The following STK40 variants were observed in gnomAD, a reference collection of about 807,000 sequenced individuals.
STK40 encodes serine/threonine-protein kinase 40.
STK40 carries 13 observed loss-of-function variants against 47.9 expected under a neutral mutation model. The observed-to-expected ratio is 0.27, with a 90% CI of 0.18 to 0.43. The LOEUF (loss-of-function observed/expected upper bound fraction) is 0.43. STK40 is among the 20% of genes least tolerant of loss of function. STK40 has a pLI of 1.00. For synonymous variants in STK40, 225 were observed against 243.2 expected (o/e 0.93, Z 0.69); for missense variants, 460 against 595.1 (o/e 0.77, Z 2.36).
chr1:36,352,256 T>C (rs1309014108), intron 6 of STK40, among the ~76,000 whole-genome samples: 1 of 152,162 alleles, frequency 6.6e-6, no homozygotes. Flanking sequence ...TGTTCTCCTG[T>C]CTCTCAGCGA....
intron 2 of STK40, among the ~76,000 whole-genome samples, chr1:36,360,063 C>T (rs1400021763): frequency 1.3e-5 from 2 of 152,136 alleles, no homozygotes; most frequent in Non-Finnish European, 2.9e-5. Flanking sequence ...TCCTTCAAGG[C>T]ACTTGCACCA....
At chr1:36,380,522 C>T (rs2124754279) in intron 1 of STK40, among the ~76,000 whole-genome samples, 1 of 152,330 alleles carries the variant, frequency 6.6e-6, no homozygotes, top group Non-Finnish European at 1.5e-5. Context: ...GAGCCAGCTT[C>T]AGGCAGCAAA....
rs1646828874 is a variant in STK40 at position 36,358,889 on chromosome 1, G to A, written c.113-67C>T. The A allele has an allele frequency of 1.0e-5, 16 of 1,584,412 alleles. 1 individual carries two copies. In the East Asian group the frequency reaches 1.1e-4, roughly 11 times the overall value. On this transcript the variant is annotated intron_variant, in intron 2 of 10. Coordinates refer to ENST00000373132, the MANE Select transcript of STK40 (RefSeq NM_001282547.2). ...GGCTGTCACGACGCCAGGTCACCAC[G>A]TGGTCTTTTACTAGACCTTCTATTC...
At position 36,376,022 on chromosome 1, in the gene STK40, C is replaced by CA. The variant is rs1317801280; in HGVS notation, c.-9+9700dup. ...GGGCAACAAGAGCAAAACTCCATCTCAAAAAAAAAAAAAAATTCACGACTT... is the reference window on the plus strand; with the variant it reads ...GGGCAACAAGAGCAAAACTCCATCTCAAAAAAAAAAAAAAAATTCACGACTT... On this transcript the variant is annotated intron_variant, in intron 1 of 10. Coordinates refer to ENST00000373132, the MANE Select transcript of STK40 (RefSeq NM_001282547.2). Among the ~76,000 whole-genome samples the CA allele has an allele frequency of 5.2e-3, 669 of 128,762 alleles. 2 individuals are homozygous for CA. The highest frequency in any genetic ancestry group is 0.011 in the African/African-American group (398 of 35,030). The allele number at this position is 128,762 out of a possible 152,430, so 84.5% of individuals were successfully genotyped here.
chr1:36,357,643 G>A (rs1326768034), intron 4 of STK40, among the ~76,000 whole-genome samples: 3 of 152,094 alleles, frequency 2.0e-5, no homozygotes, highest in Non-Finnish European at 4.4e-5. Context: ...TTGAGATGGA[G>A]TCTCGCTCTG....
At chr1:36,385,042 T>C (rs1034947374) in intron 1 of STK40, among the ~76,000 whole-genome samples, 11 of 152,036 alleles carry the variant, frequency 7.2e-5, no homozygotes, top group Non-Finnish European at 1.0e-4. Flanking sequence ...AACCTGGGGA[T>C]TGGGGTGGGC....
At position 36,356,759 on chromosome 1, in the gene STK40, A is replaced by G. The variant is rs1367373336; in HGVS notation, c.343-1326T>C. Among the ~76,000 whole-genome samples, 3 of 152,062 alleles carry G rather than the reference A, an allele frequency of 2.0e-5. No individual in the cohort carries two copies. The South Asian group carries it at 6.2e-4, about 31-fold the overall frequency. On this transcript the variant is annotated intron_variant, in intron 4 of 10. Transcript: ENST00000373132. ...CTTCTTAAGAGCAGGACCACACCTC[A>G]TATTTGCTTTTCCTAGCACAGTGTC... is the stretch of plus-strand genomic sequence containing the variant.
At chr1:36,364,073 C>T (rs1171778699) in intron 1 of STK40, among the ~76,000 whole-genome samples, 1 of 152,028 alleles carries the variant, frequency 6.6e-6, no homozygotes, top group Non-Finnish European at 1.5e-5. Context: ...ATAGTGTGAA[C>T]CCAGGAGGCG....
intron 1 of STK40, among the ~76,000 whole-genome samples, chr1:36,371,091 G>A (rs1646942283): frequency 6.6e-6 from 1 of 151,856 alleles, no homozygotes; most frequent in African/African-American, 2.4e-5. Flanking sequence ...TGACCAGGCT[G>A]TTCTCAGAAC....
intron 6 of STK40, among the ~76,000 whole-genome samples, chr1:36,351,772 A>C (rs1646761301): frequency 6.6e-6 from 1 of 152,128 alleles, no homozygotes; most frequent in Admixed American, 6.5e-5. Context: ...GAGAGTTGGA[A>C]GCAAATCCCC....
intron 1 of STK40, among the ~76,000 whole-genome samples, chr1:36,365,039 T>A (rs1646889560): frequency 6.7e-6 from 1 of 149,364 alleles, no homozygotes; most frequent in African/African-American, 2.5e-5. Context: ...TTGCCCAGGC[T>A]GGAGTGCAAT....
At chr1:36,359,612 G>C (rs745682440) in intron 2 of STK40, among the ~76,000 whole-genome samples, 1 of 152,222 alleles carries the variant, frequency 6.6e-6, no homozygotes. Context: ...CCCAAGCTTT[G>C]AGAGTGGAAA....
At chr1:36,353,465 G>A (rs1417897161) in intron 6 of STK40, among the ~76,000 whole-genome samples, 1 of 152,188 alleles carries the variant, frequency 6.6e-6, no homozygotes, top group Non-Finnish European at 1.5e-5. Flanking sequence ...GCCGTGCTTG[G>A]TGTCCCTCTG....
intron 1 of STK40, among the ~76,000 whole-genome samples, chr1:36,369,716 C>T (rs902591894): frequency 8.5e-5 from 13 of 152,218 alleles, no homozygotes; most frequent in Admixed American, 8.5e-4. Context: ...GTGCTGCAAC[C>T]ATTGGTTTAT....
Position 36,339,927 on chromosome 1 carries a change from C to T in STK40, c.*1828G>A, listed in dbSNP as rs1030226002. 2 of 152,436 alleles carry T rather than the reference C, an allele frequency of 1.3e-5. No individual in the cohort carries two copies. The highest frequency in any genetic ancestry group is 4.8e-5 in the African/African-American group (2 of 41,448). 9.4% of individuals were successfully genotyped at this position (152,436 alleles called of 1,614,324 possible). ...ACGCACGGGCAGCAGCCTGGAGGGACCCGGTGGGCTGCTGAGAGGGGGCTC... is the reference window on the plus strand; with the variant it reads ...ACGCACGGGCAGCAGCCTGGAGGGATCCGGTGGGCTGCTGAGAGGGGGCTC... On this transcript the variant is annotated 3_prime_UTR_variant, in exon 11 of 11. Transcript: ENST00000373132.
chr1:36,383,139 G>T (rs1647055101), intron 1 of STK40, among the ~76,000 whole-genome samples: 1 of 152,098 alleles, frequency 6.6e-6, no homozygotes, highest in Non-Finnish European at 1.5e-5. Context: ...GTAGAGAAGG[G>T]GTTTCTCCAT....
rs200525827 is a variant in STK40 at position 36,354,284 on chromosome 1, T to C, written c.623+80A>G. 13 of 1,503,230 alleles carry C rather than the reference T, an allele frequency of 8.6e-6. No homozygotes were observed. The East Asian group carries it at 2.5e-4, about 29-fold the overall frequency. The allele number at this position is 1,503,230 out of a possible 1,614,324, so 93.1% of individuals were successfully genotyped here. A position where few individuals can be genotyped will look rare whatever the true frequency, so the allele number is the denominator to read the frequency against. On this transcript the variant is annotated intron_variant, in intron 6 of 10. Coordinates refer to ENST00000373132, the MANE Select transcript of STK40 (RefSeq NM_001282547.2). The stretch of plus-strand genomic sequence containing the variant: ...TGAGTCGGAATCCTCATGAGGACAC[T>C]TCAGGGCACTGGAGAGTTGCAATGT...
rs572072721 is a variant in STK40 at position 36,345,232 on chromosome 1, C to T, written c.740-968G>A. On this transcript the variant is annotated intron_variant, in intron 7 of 10. Transcript: ENST00000373132. The stretch of plus-strand genomic sequence containing the variant: ...GACCCCAGAACACAACTCCGTTCTC[C>T]GTGGGTGTGGAAGAGACGCTGCCAG... Among the ~76,000 whole-genome samples, 24 of 152,356 alleles carry T rather than the reference C, an allele frequency of 1.6e-4. 1 individual carries two copies. The South Asian group carries it at 2.1e-3, about 13-fold the overall frequency.
chr1:36,354,230 CT>C (rs1440417737), intron 6 of STK40, 133 bp downstream of exon 6: 3 of 928,984 alleles, frequency 3.2e-6, no homozygotes, highest in Admixed American at 4.0e-5. Context: ...ATCCCGAGCC[CT>C]GGGATTCCTG....
Sources: allele counts gnomAD v4.1 joint callset (sites outside exome capture counted in the v4.1 genomes callset), GRCh38; gene constraint gnomAD v4.1.1; transcripts MANE v1.5; gene names NCBI Gene and HGNC (gene_info 2026-07-23, HGNC 2026-07-21).